STRN3: variants seen among roughly 807,000 people sequenced by gnomAD.
STRN3 encodes the protein striatin-3.
Under a neutral mutation model 95.6 loss-of-function variants are expected in STRN3, and 29 were observed. The ratio of observed to expected loss-of-function variants is 0.30; its 90% CI spans 0.23 to 0.41. STRN3 has a LOEUF of 0.41. Among genes scored for constraint, STRN3 ranks in the 10% least tolerant of loss-of-function variants. The probability of loss-of-function intolerance (pLI) is 1.00; values close to 1 mark genes in which losing one functional copy is unlikely to be tolerated. For synonymous variants in STRN3, 331 were observed against 357.6 expected, an observed-to-expected ratio of 0.93 and a Z score of 0.84; for missense variants, 890 against 972.1, an observed-to-expected ratio of 0.92 and a Z score of 1.12.
At position 30,966,746 on chromosome 14, in the gene STRN3, CCTA is replaced by C. The variant is rs545523695; in HGVS notation, c.283-10507_283-10505del. Among the ~76,000 whole-genome samples, 483 of 152,244 alleles carry C rather than the reference CCTA, an allele frequency of 3.2e-3. 2 individuals are homozygous for C. Among genetic ancestry groups the C allele is most frequent in the African/African-American group, 0.011 (454 of 41,524 alleles). ...CGGTGTTGTGTGGATGGTGACAAGT[CCTA>C]CTGCTGGACGGAGTGAGTGGGTCCT... On this transcript the variant is annotated intron_variant, in intron 1 of 17. Transcript: ENST00000357479.
intron 7 of STRN3, among the ~76,000 whole-genome samples, chr14:30,934,341 CAAT>C (rs894553640): frequency 1.3e-5 from 2 of 151,632 alleles, no homozygotes; most frequent in Non-Finnish European, 2.9e-5. Context: ...ATAATAATAA[CAAT>C]AATAATAACA....
intron 8 of STRN3, among the ~76,000 whole-genome samples, chr14:30,926,616 TTACTTCTTATAAG>T (rs1328179436): frequency 1.3e-5 from 2 of 151,894 alleles, no homozygotes; most frequent in Non-Finnish European, 2.9e-5. Context: ...GAATCTTATA[TTACTTCTTATAAG>T]TACTTCTTAT....
intron 7 of STRN3, among the ~76,000 whole-genome samples, chr14:30,934,852 A>G (rs572003773): frequency 6.6e-6 from 1 of 152,324 alleles, no homozygotes; most frequent in East Asian, 1.9e-4. Context: ...TTTAAAACTG[A>G]ATACATAAAT....
Position 30,936,665 on chromosome 14 carries a change from G to T in STRN3, c.717-41C>A, listed in dbSNP as rs536636534. On this transcript the variant is annotated intron_variant, in intron 5 of 17. Transcript: ENST00000357479. ...AAAGATAAATCCAACTATTCCAATG[G>T]TTGGTTCTAATATTTCTTTCTGGTT... 1.9e-6 allele frequency: 3 copies of T among 1,581,180 alleles called. No homozygotes were observed. In the African/African-American group the frequency reaches 4.1e-5, roughly 22 times the overall value.
At chr14:30,930,419 C>T (rs564411788) in intron 7 of STRN3, among the ~76,000 whole-genome samples, 9 of 152,202 alleles carry the variant, frequency 5.9e-5, no homozygotes, top group Admixed American at 5.2e-4. Context: ...TTATAGATTG[C>T]TATATGCACC....
chr14:30,968,456 C>T (rs111937801), intron 1 of STRN3, among the ~76,000 whole-genome samples: 11,447 of 149,470 alleles, frequency 0.077, 502 homozygotes, highest in Non-Finnish European at 0.096. Context: ...CCGAGGCGGG[C>T]GGATCACGAG....
chr14:30,933,710 G>A (rs1241390211), intron 7 of STRN3, among the ~76,000 whole-genome samples: 1 of 152,168 alleles, frequency 6.6e-6, no homozygotes, highest in Non-Finnish European at 1.5e-5. Flanking sequence ...GTTTTCTCAT[G>A]TTTGAATTAA....
At chr14:30,937,485 T>A (rs1303227190) in intron 5 of STRN3, among the ~76,000 whole-genome samples, 1 of 152,188 alleles carries the variant, frequency 6.6e-6, no homozygotes, top group Non-Finnish European at 1.5e-5. Flanking sequence ...TAACAGGTAA[T>A]AGGGACAATA....
At chr14:31,024,462 A>G (rs1294564611) in intron 1 of STRN3, among the ~76,000 whole-genome samples, 2 of 152,216 alleles carry the variant, frequency 1.3e-5, no homozygotes, top group Non-Finnish European at 2.9e-5. Context: ...CAGCTTTTTT[A>G]AAGTTATGTA....
chr14:30,936,975 C>T (rs1362823803), intron 5 of STRN3, among the ~76,000 whole-genome samples: 2 of 152,134 alleles, frequency 1.3e-5, no homozygotes, highest in Admixed American at 6.6e-5. Flanking sequence ...ATAACTACAA[C>T]CTCTTACAGT....
At chr14:31,025,818 GC>G (rs2139375399) in intron 1 of STRN3, 85 bp downstream of exon 1, 1 of 1,522,240 alleles carries the variant, frequency 6.6e-7, no homozygotes, top group South Asian at 1.2e-5. Context: ...CAAGGCGCCG[GC>G]TCCGGCTGAG....
At chr14:31,014,658 A>C in intron 1 of STRN3, 1 of 455,246 alleles carries the variant, frequency 2.2e-6, no homozygotes, top group Non-Finnish European at 4.5e-6. Flanking sequence ...CTTAGGTGTA[A>C]TGCTATCTCA....
Position 31,025,940 on chromosome 14 carries a change from C to A in STRN3, c.246G>T (p.Glu82Asp), listed in dbSNP as rs377181159. 3 of 1,599,966 alleles carry A rather than the reference C, an allele frequency of 1.9e-6. No homozygotes were observed. The highest frequency in any genetic ancestry group is 2.6e-6 in the Non-Finnish European group (3 of 1,173,704). Residue 82 changes from glutamate (E) to aspartate (D), a missense_variant, in exon 1 of 18, where the codon GAG (glutamate) becomes GAT (aspartate). Physicochemically the swap from Glu to Asp is conservative, Grantham distance 45 (BLOSUM62 2). Transcript: ENST00000357479. The part of the protein sequence containing the change: ...IQHEWARFEM[E>D]RAHWEVERAE... Reference sequence around the variant, plus strand: ...CCCGTTCCACCTCCCAGTGCGCCCGCTCCATCTCGAACCGAGCCCACTCGT... The same window carrying A: ...CCCGTTCCACCTCCCAGTGCGCCCGATCCATCTCGAACCGAGCCCACTCGT...
intron 8 of STRN3, among the ~76,000 whole-genome samples, chr14:30,921,634 C>T (rs1457282485): frequency 1.3e-5 from 2 of 152,026 alleles, no homozygotes; most frequent in Admixed American, 1.3e-4. Flanking sequence ...CTTTCTAAAC[C>T]TATCCAATAT....
In STRN3 at chr14:30,936,712, A is replaced by G. The variant is rs534377410; in HGVS notation, c.717-88T>C. On this transcript the variant is annotated intron_variant, in intron 5 of 17. Transcript: ENST00000357479. ...GGTTCCCATTTTAAATCAATTCTTA[A>G]AACTAGAGAGATTCGAATGACTACC... 19 of 1,473,670 alleles carry G rather than the reference A, an allele frequency of 1.3e-5. 1 individual carries two copies. The East Asian group carries it at 4.5e-4, about 35-fold the overall frequency. The allele number at this position is 1,473,670 out of a possible 1,614,324, so 91.3% of individuals were successfully genotyped here. A position where few individuals can be genotyped will look rare whatever the true frequency, so the allele number is the denominator to read the frequency against.
chr14:30,998,312 A>G (rs1371600418), intron 1 of STRN3, among the ~76,000 whole-genome samples: 2 of 152,222 alleles, frequency 1.3e-5, no homozygotes, highest in Non-Finnish European at 2.9e-5. Context: ...TGCCTGAGGT[A>G]TAAGATAATA....
intron 12 of STRN3, 106 bp from the exon 13 acceptor site, chr14:30,911,268 T>C: frequency 4.8e-6 from 6 of 1,240,742 alleles, no homozygotes; most frequent in Non-Finnish European, 6.6e-6. Context: ...AAAACTGTTT[T>C]AAGAGAACAT....
intron 1 of STRN3, among the ~76,000 whole-genome samples, chr14:31,003,218 C>T (rs1421570048): frequency 1.5e-4 from 22 of 149,056 alleles, no homozygotes; most frequent in South Asian, 1.3e-3. Context: ...GCCAAGACCA[C>T]GCCACTGCAC....
At chr14:30,907,128 C>G (rs771142831) in intron 13 of STRN3, 84 bp from the exon 14 acceptor site, 9 of 1,473,526 alleles carry the variant, frequency 6.1e-6, no homozygotes, top group African/African-American at 1.4e-5. Context: ...TACCATATAA[C>G]TGAGCATAAA....
Sources: gnomAD v4.1 joint callset for allele counts (sites outside exome capture counted in the v4.1 genomes callset) on GRCh38, gnomAD v4.1.1 for gene constraint, MANE v1.5 for transcripts, NCBI Gene and HGNC (gene_info 2026-07-23, HGNC 2026-07-21) for gene names.